Variants in DNAJC3 observed in about 807,000 individuals in gnomAD.
DNAJC3 encodes dnaJ homolog subfamily C member 3.
In DNAJC3, 38 loss-of-function variants were observed where a neutral mutation model predicts 68.6. The ratio of observed to expected loss-of-function variants is 0.55; its 90% CI spans 0.43 to 0.73. The LOEUF (loss-of-function observed/expected upper bound fraction) is 0.73. DNAJC3 is among the 30% of genes least tolerant of loss of function. The pLI is 0.00. For missense variants in DNAJC3, 526 were observed against 591.9 expected (o/e 0.89, Z 1.16); for synonymous variants, 203 against 204.0 (o/e 1.00, Z 0.04).
rs151040822 is a variant in DNAJC3, at chr13:95,717,983, G to A, written c.194-5259G>A. ...CTTTCTGATGTGTTTTCTCCAGATAGTAGTTGTATTGTTTTATTCTGGCTA... is the reference window on the plus strand; with the variant it reads ...CTTTCTGATGTGTTTTCTCCAGATAATAGTTGTATTGTTTTATTCTGGCTA... On this transcript the variant is annotated intron_variant, in intron 2 of 11. Transcript: ENST00000602402. Among the ~76,000 whole-genome samples the A allele has an allele frequency of 2.2e-3, 332 of 152,328 alleles. 5 individuals are homozygous for A. The highest frequency in any genetic ancestry group is 0.01 in the Middle Eastern group (3 of 294).
intron 4 of DNAJC3, among the ~76,000 whole-genome samples, chr13:95,754,553 AG>A (rs1882592701): frequency 6.6e-6 from 1 of 152,164 alleles, no homozygotes; most frequent in African/African-American, 2.4e-5. Flanking sequence ...TAAAAAAAAA[AG>A]GCCAGGCATG....
intron 4 of DNAJC3, chr13:95,742,859 G>A (rs756949472): frequency 1.9e-5 from 10 of 517,694 alleles, no homozygotes; most frequent in South Asian, 2.8e-5. Flanking sequence ...TATTCACTAC[G>A]CCGTAGGATC....
intron 4 of DNAJC3, among the ~76,000 whole-genome samples, chr13:95,734,429 T>TAAA (rs1881821988): frequency 6.6e-6 from 1 of 152,214 alleles, no homozygotes; most frequent in Non-Finnish European, 1.5e-5. Flanking sequence ...TAAATGTTTT[T>TAAA]ATCTTCTGTT....
intron 9 of DNAJC3, among the ~76,000 whole-genome samples, chr13:95,784,532 T>G (rs1321934146): frequency 1.3e-5 from 2 of 152,154 alleles, no homozygotes; most frequent in African/African-American, 2.4e-5. Flanking sequence ...CACCCAGAGT[T>G]TTTTTGGGGA....
intron 4 of DNAJC3, among the ~76,000 whole-genome samples, chr13:95,742,161 T>G (rs1306859149): frequency 2.0e-5 from 3 of 152,160 alleles, no homozygotes; most frequent in Non-Finnish European, 2.9e-5. Flanking sequence ...CAGTACATTT[T>G]AAAATGTGTA....
At chr13:95,722,025 A>T (rs977989653) in intron 2 of DNAJC3, among the ~76,000 whole-genome samples, 8 of 151,542 alleles carry the variant, frequency 5.3e-5, no homozygotes, top group Admixed American at 3.9e-4. Context: ...TTTTATTTTT[A>T]AAAGATTGAT....
intron 1 of DNAJC3, among the ~76,000 whole-genome samples, chr13:95,692,066 C>T (rs978887018): frequency 5.5e-5 from 8 of 144,932 alleles, no homozygotes; most frequent in Admixed American, 1.3e-4. Flanking sequence ...AGAGGGAGAC[C>T]GTGGAAAGAG....
chr13:95,695,283 T>C (rs1219015887), intron 1 of DNAJC3: 1 of 152,158 alleles, frequency 6.6e-6, no homozygotes, highest in Non-Finnish European at 1.5e-5. Context: ...TCCTCCTCCT[T>C]CTAATAACTC....
At chr13:95,723,991 C>T (rs17878370) in intron 3 of DNAJC3, among the ~76,000 whole-genome samples, 2,619 of 151,952 alleles carry the variant, frequency 0.017, 79 homozygotes, top group African/African-American at 0.06. Context: ...ATCAATTAGA[C>T]GGTTTCAGAA....
intron 1 of DNAJC3, among the ~76,000 whole-genome samples, chr13:95,683,508 T>C (rs908866220): frequency 3.3e-5 from 5 of 152,252 alleles, no homozygotes; most frequent in African/African-American, 1.2e-4. Flanking sequence ...GCTCTGGCCA[T>C]GTGAAGATGT....
intron 1 of DNAJC3, among the ~76,000 whole-genome samples, chr13:95,699,460 T>G (rs1880530975): frequency 6.6e-6 from 1 of 152,186 alleles, no homozygotes. Context: ...GATTTCAGGT[T>G]CATCCTGTGA....
chr13:95,703,228 A>G (rs1880628460), intron 1 of DNAJC3, among the ~76,000 whole-genome samples: 1 of 152,206 alleles, frequency 6.6e-6, no homozygotes, highest in Non-Finnish European at 1.5e-5. Context: ...TGGTTGATCT[A>G]TTAACATTGA....
At position 95,781,809 on chromosome 13, in the gene DNAJC3, G is replaced by GT. The variant is rs895313472; in HGVS notation, c.1076-4117dup. Reference sequence around the variant, plus strand: ...GGATAAACATTGGATGTGTGTGTGTGTTTTTTTTTTTTTACTTTAAGTTCT... The same window carrying GT: ...GGATAAACATTGGATGTGTGTGTGTGTTTTTTTTTTTTTTACTTTAAGTTCT... On this transcript the variant is annotated intron_variant, in intron 9 of 11. Transcript: ENST00000602402. 2.9e-3 allele frequency among the ~76,000 whole-genome samples: 408 copies of GT among 142,316 alleles called. 1 individual carries two copies. The highest frequency in any genetic ancestry group is 7.3e-3 in the East Asian group (36 of 4,918). 93.4% of individuals were successfully genotyped at this position (142,316 alleles called of 152,430 possible).
At chr13:95,777,807 A>G (rs1411475337) in intron 9 of DNAJC3, among the ~76,000 whole-genome samples, 1 of 152,206 alleles carries the variant, frequency 6.6e-6, no homozygotes, top group African/African-American at 2.4e-5. Context: ...ACTTGAATGC[A>G]CTATAAAACA....
At chr13:95,706,377 C>T (rs1390066462) in intron 1 of DNAJC3, among the ~76,000 whole-genome samples, 1 of 152,170 alleles carries the variant, frequency 6.6e-6, no homozygotes, top group African/African-American at 2.4e-5. Flanking sequence ...TGAATTAGAG[C>T]CAATGTAGTG....
At chr13:95,716,705 C>G (rs894635166) in intron 2 of DNAJC3, among the ~76,000 whole-genome samples, 1 of 152,174 alleles carries the variant, frequency 6.6e-6, no homozygotes, top group Non-Finnish European at 1.5e-5. Context: ...TGGCTGAACT[C>G]CCCTCAGCAT....
chr13:95,702,063 A>G (rs1270976788), intron 1 of DNAJC3, among the ~76,000 whole-genome samples: 1 of 152,246 alleles, frequency 6.6e-6, no homozygotes, highest in Non-Finnish European at 1.5e-5. Context: ...TAACACCAGT[A>G]TACATGGCCC....
At chr13:95,782,070 CTG>C (rs1330822428) in intron 9 of DNAJC3, among the ~76,000 whole-genome samples, 1 of 152,078 alleles carries the variant, frequency 6.6e-6, no homozygotes, top group Admixed American at 6.5e-5. Flanking sequence ...TTTTCTGTTC[CTG>C]TGTTAGTTTG....
intron 4 of DNAJC3, among the ~76,000 whole-genome samples, chr13:95,739,086 T>G (rs1882035394): frequency 1.3e-5 from 2 of 152,176 alleles, no homozygotes; most frequent in Admixed American, 1.3e-4. Flanking sequence ...CTTATGAAGC[T>G]TAGTTTGGCT....
Sources: allele counts gnomAD v4.1 joint callset (sites outside exome capture counted in the v4.1 genomes callset), GRCh38; gene constraint gnomAD v4.1.1; transcripts MANE v1.5; gene names NCBI Gene and HGNC (gene_info 2026-07-23, HGNC 2026-07-21).